Variants in ITPKC observed in about 807,000 individuals in gnomAD.
ITPKC encodes IP3 3-kinase C.
ITPKC carries 33 observed loss-of-function variants against 67.1 expected under a neutral mutation model. That is an observed-to-expected ratio of 0.49 (90% CI 0.37 to 0.66). The LOEUF is 0.66. Ranked by LOEUF, ITPKC falls within the 30% of genes least tolerant of loss-of-function variation. The pLI, the probability that ITPKC is intolerant of heterozygous loss-of-function variation, is 0.00. For missense variants in ITPKC, 820 were observed against 892.1 expected, an observed-to-expected ratio of 0.92 and a Z score of 1.03; for synonymous variants, 341 against 359.8, an observed-to-expected ratio of 0.95 and a Z score of 0.59.
At position 40,733,042 on chromosome 19, in the gene ITPKC, T is replaced by C. The variant is rs182385307; in HGVS notation, c.1470-118T>C. 8.0e-5 allele frequency: 62 copies of C among 771,948 alleles called. No individual in the cohort carries two copies. The African/African-American group carries it at 9.8e-4, about 12-fold the overall frequency. 47.8% of individuals were successfully genotyped at this position (771,948 alleles called of 1,614,324 possible). On this transcript the variant is annotated intron_variant, in intron 3 of 6. Coordinates refer to ENST00000263370, the MANE Select transcript of ITPKC (RefSeq NM_025194.3). Reference sequence around the variant, plus strand: ...TGTCTTTGTGGACTCTGTTGTATTCTGTGCATTGATTTGCCCATTCTTGTG... The same window carrying C: ...TGTCTTTGTGGACTCTGTTGTATTCCGTGCATTGATTTGCCCATTCTTGTG...
intron 2 of ITPKC, 23 bp from the exon 3 acceptor site, chr19:40,729,179 C>G: frequency 6.3e-7 from 1 of 1,596,784 alleles, no homozygotes; most frequent in Non-Finnish European, 8.6e-7. Flanking sequence ...TCCTGATCCT[C>G]TCATTTATTC....
chr19:40,718,887 C>T (rs2144730239), intron 1 of ITPKC, among the ~76,000 whole-genome samples: 1 of 152,312 alleles, frequency 6.6e-6, no homozygotes. Context: ...GGGAGCCCAC[C>T]TGGTCTCCCC....
chr19:40,721,876 C>T (rs962677793), intron 1 of ITPKC, among the ~76,000 whole-genome samples: 6 of 151,900 alleles, frequency 3.9e-5, no homozygotes, highest in Admixed American at 2.0e-4. Context: ...GTGGTATATG[C>T]CTGTTTTCCA....
chr19:40,730,021 A>G (rs997229891), intron 3 of ITPKC, among the ~76,000 whole-genome samples: 3 of 151,828 alleles, frequency 2.0e-5, no homozygotes, highest in East Asian at 2.0e-4. Flanking sequence ...GCTCACTGCA[A>G]TCTCCACCTC....
intron 4 of ITPKC, among the ~76,000 whole-genome samples, chr19:40,735,840 T>C (rs1054685002): frequency 6.6e-6 from 1 of 152,126 alleles, no homozygotes; most frequent in African/African-American, 2.4e-5. Flanking sequence ...TAGTCTCAAA[T>C]AACTATATGC....
rs921576480 is a variant in ITPKC, at chr19:40,740,779, T to C, written c.*1219T>C. ...GAGAGGCAGTTGCTGGACGGGGTAGTACTGGGAAGCAGGAGGCAGAATGGC... is the reference window on the plus strand; with the variant it reads ...GAGAGGCAGTTGCTGGACGGGGTAGCACTGGGAAGCAGGAGGCAGAATGGC... On this transcript the variant is annotated 3_prime_UTR_variant, in exon 7 of 7. Coordinates refer to ENST00000263370, the MANE Select transcript of ITPKC (RefSeq NM_025194.3). 2.5e-5 allele frequency: 10 copies of C among 393,588 alleles called. No individual in the cohort carries two copies. Among genetic ancestry groups the C allele is most frequent in the Non-Finnish European group, 4.5e-5 (10 of 223,332 alleles). The allele number at this position is 393,588 out of a possible 1,614,324, so 24.4% of individuals were successfully genotyped here.
Position 40,717,478 on chromosome 19 carries a change from C to T in ITPKC, c.343C>T (p.Pro115Ser). Residue 115 changes from proline to serine, a missense_variant, in exon 1 of 7, where the codon CCA becomes TCA. Physicochemically the swap from Pro to Ser is moderately conservative, Grantham distance 74 (BLOSUM62 -1). This residue lies in a region of ITPKC where 481 missense variants were observed against 470.1 expected (regional missense o/e 1.02). Coordinates refer to ENST00000263370, the MANE Select transcript of ITPKC (RefSeq NM_025194.3). ...ETERPKQKTE[P>S]DRSSLRTHLE... is the part of the protein sequence containing the mutation. The stretch of plus-strand genomic sequence containing the variant: ...CGAGAGGCCCAAGCAAAAGACGGAG[C>T]CAGACAGGTCCAGCCTCCGGACGCA... 1 of 1,614,096 alleles carries T rather than the reference C, an allele frequency of 6.2e-7. No individual in the cohort carries two copies. Among genetic ancestry groups the T allele is most frequent in the East Asian group, 2.2e-5 (1 of 44,858 alleles).
Position 40,737,606 on chromosome 19 carries a change from T to C in ITPKC, c.1777-92T>C, listed in dbSNP as rs2082300637. 5 of 1,115,566 alleles carry C rather than the reference T, an allele frequency of 4.5e-6. No individual in the cohort carries two copies. In the Admixed American group the frequency reaches 5.1e-5, roughly 11 times the overall value. The allele number at this position is 1,115,566 out of a possible 1,614,324, so 69.1% of individuals were successfully genotyped here. A position where few individuals can be genotyped will look rare whatever the true frequency, so the allele number is the denominator to read the frequency against. The stretch of plus-strand genomic sequence containing the variant: ...TCCATCCTGGCTAGAGCCTGCCTGC[T>C]CCTTTGGGGGAATGGGGTGAGGTCA... On this transcript the variant is annotated intron_variant, in intron 5 of 6. Transcript: ENST00000263370.
chr19:40,740,667 C>T lies in ITPKC; in HGVS notation c.*1107C>T, dbSNP rs2082324895. ...TGGGCTGGCGGACAGGCACCTACCT[C>T]TTCCTTAAGCTGAAGCTCCCACACT... On this transcript the variant is annotated 3_prime_UTR_variant, in exon 7 of 7. Coordinates refer to ENST00000263370, the MANE Select transcript of ITPKC (RefSeq NM_025194.3). 2 of 305,938 alleles carry T rather than the reference C, an allele frequency of 6.5e-6. No individual in the cohort carries two copies. The highest frequency in any genetic ancestry group is 1.2e-5 in the Non-Finnish European group (2 of 166,220). 19.0% of individuals were successfully genotyped at this position (305,938 alleles called of 1,614,324 possible). A position where few individuals can be genotyped will look rare whatever the true frequency, so the allele number is the denominator to read the frequency against.
chr19:40,725,694 T>C (rs2082243673), intron 2 of ITPKC, among the ~76,000 whole-genome samples: 1 of 152,252 alleles, frequency 6.6e-6, no homozygotes, highest in Non-Finnish European at 1.5e-5. Flanking sequence ...TCTGTATTCA[T>C]GGGTGACCTT....
intron 4 of ITPKC, 46 bp downstream of exon 4, chr19:40,733,410 C>G (rs762080581): frequency 2.1e-5 from 33 of 1,536,566 alleles, no homozygotes; most frequent in African/African-American, 2.7e-5. Flanking sequence ...GGCCTATAGC[C>G]AGATCCCAGG....
At chr19:40,726,338 T>C (rs2082246566) in intron 2 of ITPKC, among the ~76,000 whole-genome samples, 2 of 152,088 alleles carry the variant, frequency 1.3e-5, no homozygotes, top group South Asian at 2.1e-4. Flanking sequence ...CTTCAGTAAG[T>C]AGCAGCTGTA....
chr19:40,736,959 C>T lies in ITPKC; in HGVS notation c.1675-27C>T, dbSNP rs752123272. 1.4e-5 allele frequency: 20 copies of T among 1,478,212 alleles called. No individual in the cohort carries two copies. In the Middle Eastern group the frequency reaches 1.6e-3, roughly 116 times the overall value. The allele number at this position is 1,478,212 out of a possible 1,614,324, so 91.6% of individuals were successfully genotyped here. ...GGTGCGGGAAGGAAAAGCCCATGAC[C>T]CTGCCCCTCCACACCCTGCCCTACA... On this transcript the variant is annotated intron_variant, in intron 4 of 6. Transcript: ENST00000263370.
At chr19:40,731,602 T>G (rs1276084933) in intron 3 of ITPKC, among the ~76,000 whole-genome samples, 1 of 134,748 alleles carries the variant, frequency 7.4e-6, no homozygotes, top group African/African-American at 2.7e-5. Context: ...TTGGTTTTTT[T>G]TTTTTTTTTT....
In ITPKC at chr19:40,717,445, G is replaced by A. The variant is rs745757732; in HGVS notation, c.310G>A (p.Val104Ile). Residue 104 changes from valine (V) to isoleucine (I), a missense_variant, in exon 1 of 7, where the codon GTA (valine) becomes ATA (isoleucine). This residue lies in a region of ITPKC where 481 missense variants were observed against 470.1 expected (regional missense o/e 1.02). Transcript: ENST00000263370. ...TGAGCCCGCGGCAGCTGGCCTTGGA[G>A]TAGAGACCGAGAGGCCCAAGCAAAA... is the stretch of plus-strand genomic sequence containing the variant. Reference protein sequence around the residue: ...QTEPAAAGLGVETERPKQKTE... With the variant: ...QTEPAAAGLGIETERPKQKTE... 3 of 1,613,954 alleles carry A rather than the reference G, an allele frequency of 1.9e-6. No individual in the cohort carries two copies. The Admixed American group carries it at 5.0e-5, about 27-fold the overall frequency.
At chr19:40,720,975 A>G (rs2082219391) in intron 1 of ITPKC, among the ~76,000 whole-genome samples, 1 of 151,258 alleles carries the variant, frequency 6.6e-6, no homozygotes, top group Non-Finnish European at 1.5e-5. Context: ...GGGTCTTGCT[A>G]TCTTGCCCAG....
intron 2 of ITPKC, 113 bp downstream of exon 2, chr19:40,725,552 C>T (rs746627865): frequency 4.6e-5 from 35 of 766,866 alleles, no homozygotes; most frequent in Non-Finnish European, 7.7e-5. Context: ...CAGTCCCCAC[C>T]TTATGGGACT....
At chr19:40,722,841 A>G (rs1470577341) in intron 1 of ITPKC, among the ~76,000 whole-genome samples, 2 of 152,124 alleles carry the variant, frequency 1.3e-5, no homozygotes, top group African/African-American at 4.8e-5. Context: ...CAGTGGCACA[A>G]TCACTGCTCA....
intron 5 of ITPKC, among the ~76,000 whole-genome samples, chr19:40,737,313 G>A (rs2144756159): frequency 6.6e-6 from 1 of 152,372 alleles, no homozygotes; most frequent in South Asian, 2.1e-4. Context: ...CTCGATAGCA[G>A]GATGGCCTGG....
Sources: gnomAD v4.1 joint callset for allele counts (sites outside exome capture counted in the v4.1 genomes callset) on GRCh38, gnomAD v4.1.1 for gene constraint, gnomAD v4.1.1 regional missense constraint, MANE v1.5 for transcripts, NCBI Gene and HGNC (gene_info 2026-07-23, HGNC 2026-07-21) for gene names.